GUCY2C: variants seen among roughly 807,000 people sequenced by gnomAD.
GUCY2C encodes the protein guanylate cyclase 2C, also known as guanylyl cyclase C.
Under a neutral mutation model 131.1 loss-of-function variants are expected in GUCY2C, and 118 were observed. The observed-to-expected ratio is 0.90, with a 90% CI of 0.78 to 1.05. The LOEUF is 1.05. Ranked by LOEUF, GUCY2C falls within the 50% of genes least tolerant of loss-of-function variation. GUCY2C has a pLI of 0.00. For missense variants in GUCY2C, 1,161 were observed against 1,304.4 expected (o/e 0.89, Z 1.69); for synonymous variants, 452 against 457.8 (o/e 0.99, Z 0.16).
intron 5 of GUCY2C, among the ~76,000 whole-genome samples, chr12:14,680,899 T>C (rs1948335514): frequency 6.6e-6 from 1 of 152,140 alleles, no homozygotes; most frequent in Admixed American, 6.6e-5. Context: ...AATAGGAAAG[T>C]GAGATAATCT....
rs760818191 is a variant in GUCY2C at position 14,679,738 on chromosome 12, C to G, written c.749G>C (p.Gly250Ala). 9 of 1,571,062 alleles carry G rather than the reference C, an allele frequency of 5.7e-6. No individual in the cohort carries two copies. The East Asian group carries it at 2.0e-4, about 35-fold the overall frequency. Residue 250 changes from glycine to alanine, a missense_variant, in exon 6 of 27, where the codon GGT (glycine) becomes GCT (alanine). Gly to Ala is a moderately conservative substitution (Grantham distance 60, BLOSUM62 0). Coordinates refer to ENST00000261170, the MANE Select transcript of GUCY2C (RefSeq NM_004963.4). ...NRKSNVIIMC[G>A]GPEFLYKLKG... is the part of the protein sequence containing the mutation. ...CAGCTTGTAGAGGAACTCTGGACCA[C>G]CACACATAATAATCACTGGAGGAGA... is the stretch of plus-strand genomic sequence containing the variant.
intron 12 of GUCY2C, among the ~76,000 whole-genome samples, chr12:14,656,309 G>C (rs912449118): frequency 2.6e-5 from 4 of 152,168 alleles, no homozygotes; most frequent in African/African-American, 9.7e-5. Flanking sequence ...CAGCCTCCAG[G>C]GAAGTGCTCA....
chr12:14,695,989 C>A (rs1447607843), intron 1 of GUCY2C, among the ~76,000 whole-genome samples: 4 of 152,118 alleles, frequency 2.6e-5, no homozygotes, highest in Non-Finnish European at 5.9e-5. Flanking sequence ...GTTTCACTGC[C>A]GTGAACACTT....
At chr12:14,651,856 C>T (rs1048862716) in intron 14 of GUCY2C, 103 bp downstream of exon 14, 7 of 661,980 alleles carry the variant, frequency 1.1e-5, no homozygotes, top group African/African-American at 9.1e-5. Context: ...CATTTCTTGG[C>T]CTGAGGGCTT....
chr12:14,617,294 C>T (rs1378243843), intron 24 of GUCY2C, among the ~76,000 whole-genome samples: 5 of 152,168 alleles, frequency 3.3e-5, no homozygotes, highest in Admixed American at 3.3e-4. Context: ...AGAATGCCCT[C>T]ACACAAGAAA....
chr12:14,668,480 A>G (rs879523126), intron 10 of GUCY2C, among the ~76,000 whole-genome samples: 1 of 150,998 alleles, frequency 6.6e-6, no homozygotes, highest in Non-Finnish European at 1.5e-5. Flanking sequence ...TAATTTATAA[A>G]TGTTTGTAGA....
chr12:14,688,787 A>G (rs984634210), intron 1 of GUCY2C, among the ~76,000 whole-genome samples: 1 of 152,226 alleles, frequency 6.6e-6, no homozygotes, highest in South Asian at 2.1e-4. Flanking sequence ...AGACTTAGCC[A>G]TGCGACACAT....
chr12:14,628,711 C>T lies in GUCY2C; in HGVS notation c.2184G>A (p.Trp728Ter). The T allele has an allele frequency of 1.3e-6, 2 of 1,599,014 alleles. No homozygotes were observed. The highest frequency in any genetic ancestry group is 1.1e-5 in the South Asian group (1 of 90,668). ...LEVYLLVKNC[W>*]EEDPEKRPDF... Reference sequence around the variant, plus strand: ...CTGGTCTCTTTTCTGGATCTTCCTCCCAACAGTTTTTTACAAGTAGGTACA... The same window carrying T: ...CTGGTCTCTTTTCTGGATCTTCCTCTCAACAGTTTTTTACAAGTAGGTACA... The change falls in exon 20 of 27, where the codon TGG becomes TGA. Residue 728 changes from tryptophan (W) to a stop codon, truncating the protein, a stop_gained. Coordinates refer to ENST00000261170, the MANE Select transcript of GUCY2C (RefSeq NM_004963.4). LOFTEE classifies it high-confidence loss of function.
rs533345034 is a variant in GUCY2C at position 14,615,442 on chromosome 12, C to T, written c.2971-499G>A. Among the ~76,000 whole-genome samples, 14 of 152,038 alleles carry T rather than the reference C, an allele frequency of 9.2e-5. No homozygotes were observed. The East Asian group carries it at 2.7e-3, about 29-fold the overall frequency. ...CTCATTAAGTGGCATTTCTGGGGCC[C>T]ATCTGGAGGCTACGGAATGTATGGA... is the stretch of plus-strand genomic sequence containing the variant. On this transcript the variant is annotated intron_variant, in intron 25 of 26. Coordinates refer to ENST00000261170, the MANE Select transcript of GUCY2C (RefSeq NM_004963.4).
rs552968614 is a variant in GUCY2C at position 14,670,355 on chromosome 12, C to T, written c.1171-522G>A. Reference sequence around the variant, plus strand: ...CCATTACTTAATTTTCTAATCTCTTCTATTCCTTGGCTCTAATATGCTTTT... The same window carrying T: ...CCATTACTTAATTTTCTAATCTCTTTTATTCCTTGGCTCTAATATGCTTTT... On this transcript the variant is annotated intron_variant, in intron 9 of 26. Transcript: ENST00000261170. Among the ~76,000 whole-genome samples the T allele has an allele frequency of 2.6e-4, 40 of 152,270 alleles. No individual in the cohort carries two copies. The South Asian group carries it at 8.1e-3, about 31-fold the overall frequency.
intron 19 of GUCY2C, among the ~76,000 whole-genome samples, chr12:14,629,387 T>G (rs934596081): frequency 5.3e-5 from 8 of 152,188 alleles, no homozygotes; most frequent in Non-Finnish European, 1.2e-4. Context: ...CTGGACTCAC[T>G]TCGATTAAGT....
At chr12:14,632,135 T>G (rs111711907) in intron 19 of GUCY2C, among the ~76,000 whole-genome samples, 2,325 of 152,322 alleles carry the variant, frequency 0.015, 71 homozygotes, top group African/African-American at 0.051. Context: ...TAGCCCTTTC[T>G]CAGATGAGTA....
At chr12:14,635,068 A>T (rs1363531312) in intron 19 of GUCY2C, among the ~76,000 whole-genome samples, 1 of 152,214 alleles carries the variant, frequency 6.6e-6, no homozygotes, top group Non-Finnish European at 1.5e-5. Flanking sequence ...TAAAGACAGA[A>T]AATTAACCAA....
intron 17 of GUCY2C, among the ~76,000 whole-genome samples, chr12:14,642,424 A>G (rs7977294): frequency 0.065 from 9,918 of 152,252 alleles, 829 homozygotes; most frequent in African/African-American, 0.2. Context: ...ACCAGTTTCA[A>G]TGAAACATGT....
rs191853391 is a variant in GUCY2C at position 14,694,646 on chromosome 12, T to C, written c.217+1586A>G. 3.9e-4 allele frequency among the ~76,000 whole-genome samples: 59 copies of C among 152,350 alleles called. No homozygotes were observed. In the East Asian group the frequency reaches 9.6e-3, roughly 25 times the overall value. On this transcript the variant is annotated intron_variant, in intron 1 of 26. Coordinates refer to ENST00000261170, the MANE Select transcript of GUCY2C (RefSeq NM_004963.4). Reference sequence around the variant, plus strand: ...ACTAAATAACCTCCTTGTTCCATTATGGCTCTAGATCAAATCCGTTCACTT... The same window carrying C: ...ACTAAATAACCTCCTTGTTCCATTACGGCTCTAGATCAAATCCGTTCACTT...
rs1490593030 is a variant in GUCY2C at position 14,613,819 on chromosome 12, C to T, written c.3048-528G>A. ...CATCTCTCTGGGTCTGACATCTAGG[C>T]CTCTGCAAGACAGAGTTTCTCAACC... On this transcript the variant is annotated intron_variant, in intron 26 of 26. Transcript: ENST00000261170. This position sits in a 1 kb window ranked among gnomAD's most constrained non-coding sequence, Gnocchi z 4.9. 1.3e-5 allele frequency among the ~76,000 whole-genome samples: 2 copies of T among 152,078 alleles called. No homozygotes were observed. The highest frequency in any genetic ancestry group is 4.8e-5 in the African/African-American group (2 of 41,412).
chr12:14,691,355 G>A (rs1948571924), intron 1 of GUCY2C, among the ~76,000 whole-genome samples: 2 of 152,306 alleles, frequency 1.3e-5, no homozygotes, highest in South Asian at 2.1e-4. Context: ...GTAACCGCGA[G>A]TCAGCTTCAG....
At chr12:14,677,142 T>C (rs1056462501) in intron 6 of GUCY2C, among the ~76,000 whole-genome samples, 171 bp from the exon 7 acceptor site, 2 of 152,232 alleles carry the variant, frequency 1.3e-5, no homozygotes, top group African/African-American at 4.8e-5. Context: ...TCTGTGCTTG[T>C]TAGGTTAAAT....
chr12:14,628,877 C>T (rs746293558), intron 19 of GUCY2C, 140 bp from the exon 20 acceptor site: 5 of 614,978 alleles, frequency 8.1e-6, no homozygotes, highest in Non-Finnish European at 1.5e-5. Context: ...CAAGAGATCC[C>T]CAGCTCTCTG....
Sources: allele counts gnomAD v4.1 joint callset (sites outside exome capture counted in the v4.1 genomes callset), GRCh38; gene constraint gnomAD v4.1.1; non-coding constraint Gnocchi (gnomAD v3.1); transcripts MANE v1.5; gene names NCBI Gene and HGNC (gene_info 2026-07-23, HGNC 2026-07-21).